The following DEPDC4 variants were observed in gnomAD, a reference collection of about 807,000 sequenced individuals.
DEPDC4 encodes the protein DEP domain-containing protein 4.
Under a neutral mutation model 52.0 loss-of-function variants are expected in DEPDC4, and 52 were observed. The observed-to-expected ratio is 1.00, with a 90% CI of 0.80 to 1.26. The LOEUF (loss-of-function observed/expected upper bound fraction) is 1.26, where lower values mean the gene tolerates loss of function less well. DEPDC4 is among the 50% of genes most tolerant of loss of function. The probability of loss-of-function intolerance (pLI) is 0.00; values close to 1 mark genes in which losing one functional copy is unlikely to be tolerated. For missense variants in DEPDC4, 530 were observed against 546.9 expected, an observed-to-expected ratio of 0.97 and a Z score of 0.31; for synonymous variants, 201 against 196.8, an observed-to-expected ratio of 1.02 and a Z score of -0.18.
intron 4 of DEPDC4, among the ~76,000 whole-genome samples, chr12:100,255,312 C>G (rs1256999855): frequency 6.6e-6 from 1 of 152,154 alleles, no homozygotes; most frequent in African/African-American, 2.4e-5. Flanking sequence ...CTTTCTTGGC[C>G]TACTGCGAAT....
At chr12:100,248,364 C>G (rs906418635) in intron 8 of DEPDC4, among the ~76,000 whole-genome samples, 1 of 152,070 alleles carries the variant, frequency 6.6e-6, no homozygotes, top group Non-Finnish European at 1.5e-5. Context: ...ATTTTGTTTC[C>G]TGCATGACAA....
intron 8 of DEPDC4, among the ~76,000 whole-genome samples, chr12:100,245,580 G>A (rs936976156): frequency 7.2e-5 from 11 of 152,160 alleles, no homozygotes; most frequent in Admixed American, 3.3e-4. Context: ...ACTTTTCTTC[G>A]TAACCCACAA....
At chr12:100,279,312 A>G in the DEPDC4 span, among the ~76,000 whole-genome samples, 1 of 152,206 alleles carries the variant, frequency 6.6e-6, no homozygotes, top group African/African-American at 2.4e-5. Context: ...TATTGCTGCC[A>G]CCTATCTGAG....
downstream of DEPDC4, among the ~76,000 whole-genome samples, chr12:100,235,351 GT>G (rs60398537): frequency 0.16 from 21,414 of 137,428 alleles, 3,707 homozygotes; most frequent in African/African-American, 0.45. Context: ...TTCTTTTAAG[GT>G]TTTTTTTTTT....
chr12:100,235,815 C>G (rs2096140548), downstream of DEPDC4, among the ~76,000 whole-genome samples: 3 of 152,164 alleles, frequency 2.0e-5, no homozygotes, highest in Admixed American at 2.0e-4. Flanking sequence ...CTTAGGTGAT[C>G]CACCTGCCTC....
chr12:100,254,564 C>T (rs1029820355), intron 4 of DEPDC4, among the ~76,000 whole-genome samples: 2 of 151,984 alleles, frequency 1.3e-5, no homozygotes, highest in Non-Finnish European at 2.9e-5. Flanking sequence ...TGGACTCAAG[C>T]GATCCATCTG....
chr12:100,253,760 C>T, intron 4 of DEPDC4, 45 bp from the exon 5 acceptor site: 1 of 1,031,704 alleles, frequency 9.7e-7, no homozygotes, highest in Non-Finnish European at 1.3e-6. Context: ...GTTAACATTT[C>T]CATTTAACTA....
chr12:100,243,877 C>T (rs1311067747), intron 8 of DEPDC4, among the ~76,000 whole-genome samples: 1 of 151,660 alleles, frequency 6.6e-6, no homozygotes, highest in Non-Finnish European at 1.5e-5. Context: ...ATCCAGTGGC[C>T]GTTCTGATCT....
chr12:100,276,432 A>C, the DEPDC4 span, among the ~76,000 whole-genome samples: 3 of 152,094 alleles, frequency 2.0e-5, no homozygotes, highest in Non-Finnish European at 2.9e-5. Flanking sequence ...TCCCAGGCTT[A>C]AGCAATACTT....
intron 9 of DEPDC4, among the ~76,000 whole-genome samples, chr12:100,235,057 A>ATG (rs763178740): frequency 0.21 from 6,372 of 30,164 alleles, 407 homozygotes; most frequent in African/African-American, 0.42. Flanking sequence ...GTATGGATGT[A>ATG]TGTGTGTGTA....
upstream of DEPDC4, among the ~76,000 whole-genome samples, chr12:100,268,766 C>G (rs959987651): frequency 6.6e-6 from 1 of 152,158 alleles, no homozygotes; most frequent in Non-Finnish European, 1.5e-5. Context: ...CTCCCTTCCC[C>G]CACCCCAAGA....
chr12:100,238,189 T>G, downstream of DEPDC4: 1 of 339,638 alleles, frequency 2.9e-6, no homozygotes, highest in Non-Finnish European at 4.2e-6. Context: ...TGCTTTTTTT[T>G]TTTTTGACAG....
intron 4 of DEPDC4, among the ~76,000 whole-genome samples, chr12:100,255,694 T>C (rs1405195520): frequency 6.6e-6 from 1 of 152,284 alleles, no homozygotes; most frequent in East Asian, 1.9e-4. Flanking sequence ...CATGTATGTC[T>C]CCCCCTTCTA....
At chr12:100,247,283 A>T (rs571599055) in intron 8 of DEPDC4, among the ~76,000 whole-genome samples, 1 of 131,508 alleles carries the variant, frequency 7.6e-6, no homozygotes, top group Non-Finnish European at 1.5e-5. Context: ...ATCTTGGCTC[A>T]CTGCAACCTC....
intron 1 of DEPDC4, among the ~76,000 whole-genome samples, chr12:100,265,942 T>C (rs929775376): frequency 7.2e-5 from 11 of 152,342 alleles, no homozygotes; most frequent in Non-Finnish European, 1.3e-4. Flanking sequence ...AATTCAGTGT[T>C]TCTAGTACAT....
the DEPDC4 span, among the ~76,000 whole-genome samples, chr12:100,277,338 TTAC>T: frequency 2.0e-5 from 3 of 152,248 alleles, no homozygotes; most frequent in Admixed American, 6.5e-5. Flanking sequence ...TCTGTGTCTG[TTAC>T]TAAGTGAGAA....
At chr12:100,268,899 C>T (rs889994587), upstream of DEPDC4, among the ~76,000 whole-genome samples, 1 of 152,150 alleles carries the variant, frequency 6.6e-6, no homozygotes, top group African/African-American at 2.4e-5. Context: ...TCATGAAGTC[C>T]TGTTGATTTT....
At chr12:100,273,829 A>T in the DEPDC4 span, among the ~76,000 whole-genome samples, 1 of 152,208 alleles carries the variant, frequency 6.6e-6, no homozygotes. Flanking sequence ...TGGAGGACTG[A>T]GTCTGCTATT....
Position 100,240,599 on chromosome 12 carries a change from T to G in DEPDC4, c.*1293A>C, listed in dbSNP as rs1322474275. On this transcript the variant is annotated 3_prime_UTR_variant, in exon 10 of 10. Transcript: ENST00000550587. Reference sequence around the variant, plus strand: ...GAGAGAGAAGCAGGCAAGAAAAAAGTGAAAGAGCTGGAAAGAGAGAGAGAA... The same window carrying G: ...GAGAGAGAAGCAGGCAAGAAAAAAGGGAAAGAGCTGGAAAGAGAGAGAGAA... Among the ~76,000 whole-genome samples, 1 of 147,992 alleles carries G rather than the reference T, an allele frequency of 6.8e-6. No individual in the cohort carries two copies. Among genetic ancestry groups the G allele is most frequent in the Admixed American group, 6.7e-5 (1 of 14,916 alleles).
Sources: gnomAD v4.1 joint callset for allele counts (sites outside exome capture counted in the v4.1 genomes callset) on GRCh38, gnomAD v4.1.1 for gene constraint, MANE v1.5 for transcripts, NCBI Gene and HGNC (gene_info 2026-07-23, HGNC 2026-07-21) for gene names.